The following BAZ2B variants were observed in gnomAD, a reference collection of about 807,000 sequenced individuals.
The protein encoded by BAZ2B is bromodomain adjacent to zinc finger domain 2B, also known as bromodomain adjacent to zinc finger domain protein 2B.
In BAZ2B, 91 loss-of-function variants were observed where a neutral mutation model predicts 246.0. That is an observed-to-expected ratio of 0.37 (90% CI 0.31 to 0.44). The LOEUF is 0.44. Ranked by LOEUF, BAZ2B falls within the 20% of genes least tolerant of loss-of-function variation. The probability of loss-of-function intolerance (pLI) is 1.00; values close to 1 mark genes in which losing one functional copy is unlikely to be tolerated. For missense variants in BAZ2B, 2,332 were observed against 2,533.7 expected (o/e 0.92, Z 1.71); for synonymous variants, 855 against 860.0 (o/e 0.99, Z 0.10).
intron 1 of BAZ2B, among the ~76,000 whole-genome samples, chr2:159,606,639 C>T (rs950923334): frequency 2.0e-5 from 3 of 152,018 alleles, no homozygotes; most frequent in African/African-American, 7.2e-5. Flanking sequence ...AAAACTTATC[C>T]TTGTACAAGA....
intron 2 of BAZ2B, among the ~76,000 whole-genome samples, chr2:159,515,192 A>T (rs2083305686): frequency 6.6e-6 from 1 of 151,992 alleles, no homozygotes; most frequent in Non-Finnish European, 1.5e-5. Context: ...TACTACATAG[A>T]TCACCTGCAC....
upstream of BAZ2B, among the ~76,000 whole-genome samples, chr2:159,617,419 AT>A (rs540880469): frequency 5.6e-4 from 85 of 152,134 alleles, no homozygotes; most frequent in South Asian, 0.011. Context: ...CCTAAAAACA[AT>A]TTTTTTAAAA....
At chr2:159,642,667 A>G in the BAZ2B span, among the ~76,000 whole-genome samples, 2 of 152,220 alleles carry the variant, frequency 1.3e-5, no homozygotes, top group East Asian at 3.8e-4. Flanking sequence ...ATTACAACTA[A>G]TATTTATTTT....
At chr2:159,691,595 C>T in the BAZ2B span, among the ~76,000 whole-genome samples, 1 of 152,178 alleles carries the variant, frequency 6.6e-6, no homozygotes, top group Non-Finnish European at 1.5e-5. Context: ...TGCAGCTGCA[C>T]ACCTCAATCT....
intron 31 of BAZ2B, among the ~76,000 whole-genome samples, chr2:159,347,045 T>A (rs967665426): frequency 6.6e-6 from 1 of 152,188 alleles, no homozygotes; most frequent in African/African-American, 2.4e-5. Flanking sequence ...TATAAAAGTC[T>A]GACATATAAC....
intron 2 of BAZ2B, among the ~76,000 whole-genome samples, chr2:159,550,133 C>T (rs1219243481): frequency 1.3e-5 from 2 of 152,122 alleles, no homozygotes; most frequent in East Asian, 1.9e-4. Flanking sequence ...CGTGAGCCAC[C>T]GCATCCGGCC....
the BAZ2B span, among the ~76,000 whole-genome samples, chr2:159,688,858 A>G: frequency 0.46 from 69,475 of 152,074 alleles, 16,722 homozygotes; most frequent in Middle Eastern, 0.64. Flanking sequence ...GCAGTAATAC[A>G]GCAGAAGCGA....
intron 31 of BAZ2B, among the ~76,000 whole-genome samples, chr2:159,344,151 T>C (rs543473924): frequency 2.0e-5 from 3 of 152,098 alleles, no homozygotes; most frequent in Non-Finnish European, 4.4e-5. Context: ...GAACAGTATG[T>C]AGGTTCCTCA....
chr2:159,574,517 A>G (rs1392004126), intron 1 of BAZ2B, among the ~76,000 whole-genome samples: 1 of 152,162 alleles, frequency 6.6e-6, no homozygotes, highest in East Asian at 1.9e-4. Flanking sequence ...TTCCATTCCT[A>G]GTTATATGCA....
In BAZ2B at chr2:159,349,301, T is replaced by C. The variant is rs116411481; in HGVS notation, c.4864-21A>G. 1,683 of 1,567,268 alleles carry C rather than the reference T, an allele frequency of 1.1e-3. 19 individuals carry two copies. In the African/African-American group the frequency reaches 0.021, roughly 19 times the overall value. Reference sequence around the variant, plus strand: ...TTCACCTGCAAAAAGAAAACATTTATTAATGAAAAGTAGATTACTCTAAGA... The same window carrying C: ...TTCACCTGCAAAAAGAAAACATTTACTAATGAAAAGTAGATTACTCTAAGA... On this transcript the variant is annotated intron_variant, in intron 28 of 36. Coordinates refer to ENST00000392783, the MANE Select transcript of BAZ2B (RefSeq NM_013450.4).
chr2:159,529,759 C>T (rs575457508), intron 2 of BAZ2B, among the ~76,000 whole-genome samples: 1 of 149,974 alleles, frequency 6.7e-6, no homozygotes, highest in East Asian at 2.1e-4. Context: ...AGTACCTTAT[C>T]CTTAGCACAT....
chr2:159,667,733 T>C, the BAZ2B span, among the ~76,000 whole-genome samples: 1 of 152,098 alleles, frequency 6.6e-6, no homozygotes, highest in Non-Finnish European at 1.5e-5. Context: ...ATTTTAAGAT[T>C]TGATTCTGTT....
At chr2:159,539,800 T>C (rs954314298) in intron 2 of BAZ2B, among the ~76,000 whole-genome samples, 11 of 152,210 alleles carry the variant, frequency 7.2e-5, no homozygotes, top group Admixed American at 6.5e-4. Flanking sequence ...TTTTAAATGA[T>C]ATCTGCCTAC....
the BAZ2B span, among the ~76,000 whole-genome samples, chr2:159,628,534 A>T: frequency 6.6e-6 from 1 of 152,222 alleles, no homozygotes; most frequent in Non-Finnish European, 1.5e-5. Flanking sequence ...CAACCATGTG[A>T]TCTTTGACAA....
At chr2:159,446,558 A>C (rs2074279585) in intron 6 of BAZ2B, among the ~76,000 whole-genome samples, 1 of 152,202 alleles carries the variant, frequency 6.6e-6, no homozygotes, top group Non-Finnish European at 1.5e-5. Context: ...TTATATGAAA[A>C]GCAATTAGAG....
downstream of BAZ2B, among the ~76,000 whole-genome samples, chr2:159,316,689 CAAAAAA>C (rs765748671): frequency 0.04 from 1,439 of 36,104 alleles, 17 homozygotes; most frequent in African/African-American, 0.17. Context: ...GACTCCATCT[CAAAAAA>C]AAAAAAAAAA....
At chr2:159,504,463 T>C (rs1310616506) in intron 2 of BAZ2B, among the ~76,000 whole-genome samples, 1 of 152,202 alleles carries the variant, frequency 6.6e-6, no homozygotes. Flanking sequence ...CTCAGCTTCC[T>C]GCGTAGTTGA....
intron 2 of BAZ2B, among the ~76,000 whole-genome samples, chr2:159,552,571 G>A (rs546904318): frequency 6.6e-5 from 10 of 151,342 alleles, no homozygotes; most frequent in African/African-American, 1.2e-4. Context: ...AAGTCACATC[G>A]CTAGTACACA....
At chr2:159,468,514 A>T (rs2077368333) in intron 3 of BAZ2B, among the ~76,000 whole-genome samples, 2 of 152,206 alleles carry the variant, frequency 1.3e-5, no homozygotes, top group South Asian at 4.1e-4. Flanking sequence ...ACCACAGTAA[A>T]ACTAAAATGG....
Sources: allele counts gnomAD v4.1 joint callset (sites outside exome capture counted in the v4.1 genomes callset), GRCh38; gene constraint gnomAD v4.1.1; transcripts MANE v1.5; gene names NCBI Gene and HGNC (gene_info 2026-07-23, HGNC 2026-07-21).